The following CRK variants were observed in gnomAD, a reference collection of about 807,000 sequenced individuals.
CRK encodes the protein adapter molecule crk.
CRK carries 4 observed loss-of-function variants against 29.8 expected under a neutral mutation model. That is an observed-to-expected ratio of 0.13 (90% CI 0.07 to 0.31). The LOEUF (loss-of-function observed/expected upper bound fraction) is 0.31. Ranked by LOEUF, CRK falls within the 10% of genes least tolerant of loss-of-function variation. The pLI, the probability that CRK is intolerant of heterozygous loss-of-function variation, is 1.00. For synonymous variants in CRK, 153 were observed against 164.9 expected (o/e 0.93, Z 0.55); for missense variants, 274 against 396.5 (o/e 0.69, Z 2.62).
At chr17:1,452,925 G>A (rs2074029658) in intron 1 of CRK, among the ~76,000 whole-genome samples, 1 of 152,068 alleles carries the variant, frequency 6.6e-6, no homozygotes, top group African/African-American at 2.4e-5. Flanking sequence ...ACAATACCGT[G>A]AGACCCCTCA....
chr17:1,452,104 T>G (rs1164323114), intron 1 of CRK, among the ~76,000 whole-genome samples: 1 of 152,158 alleles, frequency 6.6e-6, no homozygotes, highest in Non-Finnish European at 1.5e-5. Context: ...GAACGCTGGC[T>G]TTGAGAGTGT....
At chr17:1,447,052 C>T (rs568912441) in intron 1 of CRK, among the ~76,000 whole-genome samples, 2 of 152,262 alleles carry the variant, frequency 1.3e-5, no homozygotes, top group East Asian at 3.9e-4. Flanking sequence ...TGGGGGCCAT[C>T]AAGCTTCATT....
intron 2 of CRK, among the ~76,000 whole-genome samples, chr17:1,432,636 G>A (rs1456078900): frequency 2.0e-5 from 3 of 151,850 alleles, no homozygotes; most frequent in Non-Finnish European, 2.9e-5. Context: ...AATTAGCCAG[G>A]CGTGGTGGCG....
In CRK at chr17:1,447,257, C is replaced by T. The variant is rs753696507; in HGVS notation, c.241+8620G>A. ...CAGCCAGTCTAGAGAACAGAAGCAACGACAGGATTCTCATAGCTATCTGGG... is the reference window on the plus strand; with the variant it reads ...CAGCCAGTCTAGAGAACAGAAGCAATGACAGGATTCTCATAGCTATCTGGG... On this transcript the variant is annotated intron_variant, in intron 1 of 2. Transcript: ENST00000300574. Among the ~76,000 whole-genome samples the T allele has an allele frequency of 6.6e-5, 10 of 152,248 alleles. No individual in the cohort carries two copies. The East Asian group carries it at 9.6e-4, about 15-fold the overall frequency.
intron 2 of CRK, among the ~76,000 whole-genome samples, chr17:1,426,037 A>T (rs2073776091): frequency 6.6e-6 from 1 of 151,838 alleles, no homozygotes; most frequent in Non-Finnish European, 1.5e-5. Flanking sequence ...AAAAAAATTT[A>T]AAAAGCCAAG....
chr17:1,442,606 CTTTTTTTT>C lies in CRK; in HGVS notation c.242-5459_242-5452del, dbSNP rs33970272. Among the ~76,000 whole-genome samples the C allele has an allele frequency of 1.3e-3, 155 of 121,118 alleles. 2 individuals carry two copies. The highest frequency in any genetic ancestry group is 4.5e-3 in the African/African-American group (145 of 32,324). 79.5% of individuals were successfully genotyped at this position (121,118 alleles called of 152,430 possible). ...GGATTTTTCTTGTGTGTGAAAGGGT[CTTTTTTTT>C]TTTTTTTTTTGAAGACAGAGTCTTG... On this transcript the variant is annotated intron_variant, in intron 1 of 2. Coordinates refer to ENST00000300574, the MANE Select transcript of CRK (RefSeq NM_016823.4).
rs768393173 is a variant in CRK, at chr17:1,423,656, G to T, written c.778-6C>A. The T allele has an allele frequency of 1.1e-5, 17 of 1,613,504 alleles. No homozygotes were observed. The South Asian group carries it at 1.9e-4, about 18-fold the overall frequency. On this transcript the variant is annotated splice_region_variant and splice_polypyrimidine_tract_variant and intron_variant, in intron 2 of 2. Coordinates refer to ENST00000300574, the MANE Select transcript of CRK (RefSeq NM_016823.4). Reference sequence around the variant, plus strand: ...ACCTTTACCAGCTCACCGACCTGCAGGAGGAGAATAAGGAGAGCACTTTAT... The same window carrying T: ...ACCTTTACCAGCTCACCGACCTGCATGAGGAGAATAAGGAGAGCACTTTAT...
chr17:1,433,825 G>GTTTTTTTTTTTTTTTTTTTTT, intron 2 of CRK, among the ~76,000 whole-genome samples: 1 of 127,338 alleles, frequency 7.9e-6, no homozygotes, highest in Non-Finnish European at 1.6e-5. Flanking sequence ...AGCATGTATG[G>GTTTTTTTTTTTTTTTTTTTTT]TTTTTTTTTT....
chr17:1,452,330 G>A (rs1481219820), intron 1 of CRK, among the ~76,000 whole-genome samples: 1 of 152,126 alleles, frequency 6.6e-6, no homozygotes, highest in Non-Finnish European at 1.5e-5. Flanking sequence ...AAAGTACCTG[G>A]CACAGAATAA....
chr17:1,447,375 T>C (rs2073983480), intron 1 of CRK, among the ~76,000 whole-genome samples: 1 of 151,736 alleles, frequency 6.6e-6, no homozygotes, highest in Non-Finnish European at 1.5e-5. Flanking sequence ...TCAAAATCAA[T>C]GCAAGGAGAG....
chr17:1,426,188 A>T (rs1479680637), intron 2 of CRK: 5 of 152,260 alleles, frequency 3.3e-5, no homozygotes, highest in Non-Finnish European at 7.3e-5. Flanking sequence ...CTGCAAAAAA[A>T]GAGAAAACCA....
At chr17:1,445,771 G>A (rs1029146115) in intron 1 of CRK, among the ~76,000 whole-genome samples, 13 of 152,160 alleles carry the variant, frequency 8.5e-5, no homozygotes, top group Admixed American at 3.9e-4. Context: ...AGAGTGGTAA[G>A]GAGGCCACCT....
intron 1 of CRK, among the ~76,000 whole-genome samples, chr17:1,454,555 A>G (rs1302897808): frequency 3.3e-5 from 5 of 152,202 alleles, no homozygotes; most frequent in Admixed American, 3.3e-4. Flanking sequence ...GTTAACAAAG[A>G]GACTGCCTAT....
rs771176088 is a variant in CRK, at chr17:1,456,145, T to TGCC, written c.-31_-29dup. ...CTGCCTCCGCGCCTAAACGCTGGGGTGCCGCCGCCGCGCGCGCCCCTCCGG... is the reference window on the plus strand; with the variant it reads ...CTGCCTCCGCGCCTAAACGCTGGGGTGCCGCCGCCGCCGCGCGCGCCCCTCCGG... On this transcript the variant is annotated 5_prime_UTR_variant, in exon 1 of 3. Coordinates refer to ENST00000300574, the MANE Select transcript of CRK (RefSeq NM_016823.4). The TGCC allele has an allele frequency of 2.1e-5, 31 of 1,460,688 alleles. No homozygotes were observed. The East Asian group carries it at 3.6e-4, about 17-fold the overall frequency. 90.5% of individuals were successfully genotyped at this position (1,460,688 alleles called of 1,614,324 possible). A position where few individuals can be genotyped will look rare whatever the true frequency, so the allele number is the denominator to read the frequency against.
chr17:1,454,078 A>T (rs963597380), intron 1 of CRK, among the ~76,000 whole-genome samples: 1 of 151,670 alleles, frequency 6.6e-6, no homozygotes, highest in Non-Finnish European at 1.5e-5. Flanking sequence ...GGTGATGCAC[A>T]CCAGCAATCC....
rs2073737702 is a variant in CRK at position 1,422,488 on chromosome 17, A to G, written c.*1025T>C. ...GGTTCAACATTTTTTCAAAGCACTA[A>G]CCCTACCCCAAATTCATGTAATACT... On this transcript the variant is annotated 3_prime_UTR_variant, in exon 3 of 3. Transcript: ENST00000300574. The G allele has an allele frequency of 6.5e-6, 1 of 154,188 alleles. No individual in the cohort carries two copies. The highest frequency in any genetic ancestry group is 2.1e-4 in the South Asian group (1 of 4,838). The allele number at this position is 154,188 out of a possible 1,614,324, so 9.6% of individuals were successfully genotyped here. A position where few individuals can be genotyped will look rare whatever the true frequency, so the allele number is the denominator to read the frequency against.
chr17:1,436,265 G>C (rs1187880155), intron 2 of CRK, among the ~76,000 whole-genome samples: 1 of 152,142 alleles, frequency 6.6e-6, no homozygotes, highest in Non-Finnish European at 1.5e-5. Flanking sequence ...AAATCCATCT[G>C]AACCCACCTT....
At chr17:1,433,841 T>C (rs2073866243) in intron 2 of CRK, among the ~76,000 whole-genome samples, 1 of 150,858 alleles carries the variant, frequency 6.6e-6, no homozygotes, top group Admixed American at 6.6e-5. Context: ...TTTTTTTTTT[T>C]TTTTTTAGAT....
intron 1 of CRK, among the ~76,000 whole-genome samples, 173 bp downstream of exon 1, chr17:1,455,704 A>C (rs2074050936): frequency 1.3e-5 from 2 of 150,530 alleles, no homozygotes; most frequent in South Asian, 2.1e-4. Flanking sequence ...CTCCTCCCCC[A>C]CACTCCTGCT....
Sources: gnomAD v4.1 joint callset for allele counts (sites outside exome capture counted in the v4.1 genomes callset) on GRCh38, gnomAD v4.1.1 for gene constraint, MANE v1.5 for transcripts, NCBI Gene and HGNC (gene_info 2026-07-23, HGNC 2026-07-21) for gene names.